The following CABLES1 variants were observed in gnomAD, a reference collection of about 807,000 sequenced individuals.
CABLES1 encodes the protein Cdk5 and Abl enzyme substrate 1.
CABLES1 carries 36 observed loss-of-function variants against 57.8 expected under a neutral mutation model. The observed-to-expected ratio is 0.62, with a 90% confidence interval of 0.48 to 0.82. CABLES1 has a LOEUF of 0.82. Ranked by LOEUF, CABLES1 falls within the 40% of genes least tolerant of loss-of-function variation. CABLES1 has a pLI of 0.00. For synonymous variants in CABLES1, 374 were observed against 363.0 expected, an observed-to-expected ratio of 1.03 and a Z score of -0.35; for missense variants, 767 against 836.6, an observed-to-expected ratio of 0.92 and a Z score of 1.03.
intron 1 of CABLES1, among the ~76,000 whole-genome samples, chr18:23,160,945 A>C (rs1330884659): frequency 1.3e-5 from 2 of 152,180 alleles, no homozygotes; most frequent in African/African-American, 2.4e-5. Flanking sequence ...GGGTACAAGA[A>C]TCGCTTGAAC....
intron 1 of CABLES1, among the ~76,000 whole-genome samples, chr18:23,161,302 C>T (rs1311699773): frequency 3.3e-5 from 5 of 151,854 alleles, no homozygotes; most frequent in Non-Finnish European, 5.9e-5. Flanking sequence ...CTATCTTCTT[C>T]TAAAACACTT....
chr18:23,194,596 G>A, intron 3 of CABLES1, 56 bp downstream of exon 3: 1 of 1,187,510 alleles, frequency 8.4e-7, no homozygotes, highest in Non-Finnish European at 1.3e-6. Context: ...ACAGGGACTG[G>A]AGGAGGGGAC....
chr18:23,206,278 C>A (rs961442291), intron 3 of CABLES1, among the ~76,000 whole-genome samples: 2 of 152,206 alleles, frequency 1.3e-5, no homozygotes, highest in African/African-American at 2.4e-5. Flanking sequence ...ACCCCGACTT[C>A]CCCACAGGGC....
At chr18:23,221,541 A>G (rs2047487339) in intron 4 of CABLES1, among the ~76,000 whole-genome samples, 1 of 152,172 alleles carries the variant, frequency 6.6e-6, no homozygotes, top group South Asian at 2.1e-4. Context: ...AGAAACCAGC[A>G]CAGACACCCA....
At chr18:23,190,877 C>T (rs574286513) in intron 2 of CABLES1, among the ~76,000 whole-genome samples, 1 of 151,934 alleles carries the variant, frequency 6.6e-6, no homozygotes, top group Non-Finnish European at 1.5e-5. Context: ...GAGTTCAAGA[C>T]CAGCCTGGGC....
At chr18:23,144,687 A>G (rs1416852913) in intron 1 of CABLES1, among the ~76,000 whole-genome samples, 1 of 152,190 alleles carries the variant, frequency 6.6e-6, no homozygotes, top group East Asian at 1.9e-4. Context: ...GCTAGAATTG[A>G]ACTTTAGTTT....
At chr18:23,165,918 G>A (rs1360011695) in intron 1 of CABLES1, among the ~76,000 whole-genome samples, 1 of 152,146 alleles carries the variant, frequency 6.6e-6, no homozygotes, top group African/African-American at 2.4e-5. Flanking sequence ...TGACTTGAAT[G>A]CAGTGATTCC....
chr18:23,203,946 A>G (rs1336123719), intron 3 of CABLES1, among the ~76,000 whole-genome samples: 26 of 152,070 alleles, frequency 1.7e-4, no homozygotes, highest in Admixed American at 1.7e-3. Context: ...AAGCATCTTT[A>G]TCCTTGTCAT....
chr18:23,195,493 G>T (rs998649536), intron 3 of CABLES1, among the ~76,000 whole-genome samples: 1 of 152,184 alleles, frequency 6.6e-6, no homozygotes, highest in African/African-American at 2.4e-5. Context: ...ACTGTAAGTC[G>T]CGAGTAAAGT....
intron 1 of CABLES1, among the ~76,000 whole-genome samples, chr18:23,187,410 C>T (rs1052817826): frequency 1.3e-5 from 2 of 152,158 alleles, no homozygotes; most frequent in Admixed American, 1.3e-4. Context: ...TTTTTTGAGA[C>T]GGAGTCTCGC....
intron 3 of CABLES1, among the ~76,000 whole-genome samples, chr18:23,194,835 A>G (rs993106114): frequency 6.6e-6 from 1 of 152,176 alleles, no homozygotes; most frequent in African/African-American, 2.4e-5. Flanking sequence ...GAACAGAAAA[A>G]CAGTTGAGTT....
At chr18:23,182,882 G>A (rs116154392) in intron 1 of CABLES1, among the ~76,000 whole-genome samples, 51 of 152,306 alleles carry the variant, frequency 3.3e-4, no homozygotes, top group African/African-American at 1.2e-3. Flanking sequence ...GCAGTGAGGC[G>A]CTCACCTGTC....
chr18:23,203,829 C>T (rs1235864783), intron 3 of CABLES1, among the ~76,000 whole-genome samples: 2 of 152,096 alleles, frequency 1.3e-5, no homozygotes, highest in Non-Finnish European at 2.9e-5. Context: ...CTGTGGGGCA[C>T]CTTGCAACAC....
At chr18:23,246,553 G>T (rs12969611) in intron 7 of CABLES1, among the ~76,000 whole-genome samples, 1 of 151,578 alleles carries the variant, frequency 6.6e-6, no homozygotes, top group Non-Finnish European at 1.5e-5. Flanking sequence ...CACCACACCC[G>T]GCTAATTTTT....
intron 7 of CABLES1, among the ~76,000 whole-genome samples, chr18:23,246,536 C>G (rs948381781): frequency 1.3e-5 from 2 of 151,902 alleles, no homozygotes; most frequent in Admixed American, 1.3e-4. Context: ...GGACTACAGG[C>G]ACCCGCCACC....
chr18:23,245,218 A>C (rs1263717052), intron 7 of CABLES1, among the ~76,000 whole-genome samples: 1 of 152,196 alleles, frequency 6.6e-6, no homozygotes, highest in Non-Finnish European at 1.5e-5. Flanking sequence ...TGTACAAAGC[A>C]AAGGATGGGC....
chr18:23,229,640 A>G (rs2047553094), intron 4 of CABLES1, among the ~76,000 whole-genome samples: 1 of 152,352 alleles, frequency 6.6e-6, no homozygotes, highest in East Asian at 1.9e-4. Flanking sequence ...ATTCAGAACA[A>G]TGATCTTAGA....
At chr18:23,185,295 C>G (rs1472907801) in intron 1 of CABLES1, among the ~76,000 whole-genome samples, 1 of 152,140 alleles carries the variant, frequency 6.6e-6, no homozygotes, top group Non-Finnish European at 1.5e-5. Flanking sequence ...CCTAGCAGGG[C>G]CTTCTGTGCT....
At position 23,214,004 on chromosome 18, in the gene CABLES1, CTTCTGTAGTATATT is replaced by C; in HGVS notation, c.1042_1055del (p.Cys348SerfsTer41). 6.2e-7 allele frequency: 1 copy of C among 1,612,194 alleles called. No homozygotes were observed. The highest frequency in any genetic ancestry group is 8.5e-7 in the Non-Finnish European group (1 of 1,178,890). ...TAGTCCTTATCAGTGGCAGAAGATC[CTTCTGTAGTATATT>C]TTCAGTGCTGCCGTATCGCGACAGT... On this transcript the variant is annotated frameshift_variant, in exon 4 of 10. Coordinates refer to ENST00000256925, the MANE Select transcript of CABLES1 (RefSeq NM_001100619.3). LOFTEE classifies it high-confidence loss of function.
Sources: gnomAD v4.1 joint callset for allele counts (sites outside exome capture counted in the v4.1 genomes callset) on GRCh38, gnomAD v4.1.1 for gene constraint, MANE v1.5 for transcripts, NCBI Gene and HGNC (gene_info 2026-07-23, HGNC 2026-07-21) for gene names.